Variants in TNFRSF13B observed in about 807,000 individuals in gnomAD.
The protein encoded by TNFRSF13B is tumor necrosis factor receptor superfamily member 13B.
Under a neutral mutation model 24.0 loss-of-function variants are expected in TNFRSF13B, and 34 were observed. That is an observed-to-expected ratio of 1.41 (90% CI 1.08 to 1.88). TNFRSF13B has a LOEUF of 1.88. TNFRSF13B is among the 40% of genes most tolerant of loss of function. The pLI is 0.00. For missense variants in TNFRSF13B, 415 were observed against 380.8 expected (o/e 1.09, Z -0.75); for synonymous variants, 173 against 150.3 (o/e 1.15, Z -1.10).
At chr17:16,964,053 A>T (rs1234075558) in intron 1 of TNFRSF13B, among the ~76,000 whole-genome samples, 2 of 152,022 alleles carry the variant, frequency 1.3e-5, no homozygotes, top group Non-Finnish European at 2.9e-5. Flanking sequence ...CTAACTGGGA[A>T]GGAGAAGGAG....
intron 1 of TNFRSF13B, 114 bp downstream of exon 1, chr17:16,971,901 T>C: frequency 1.9e-6 from 2 of 1,040,008 alleles, no homozygotes; most frequent in Non-Finnish European, 3.0e-6. Context: ...TGCCCCAGTG[T>C]GTGGATCTGC....
At chr17:16,940,028 C>T (rs571285474) in intron 4 of TNFRSF13B, 15 of 962,930 alleles carry the variant, frequency 1.6e-5, no homozygotes, top group Middle Eastern at 3.3e-4. Context: ...GAGCCTGCCA[C>T]GCCCCCCAAG....
rs780316609 is a variant in TNFRSF13B at position 16,948,687 on chromosome 17, A to G, written c.445+51T>C. ...TTCTAGGCCTGGCATCAGGCCTCCC[A>G]CGCTTTCTCACCCTGCGTGACACCA... On this transcript the variant is annotated intron_variant, in intron 3 of 4. Transcript: ENST00000261652. 16 of 1,612,026 alleles carry G rather than the reference A, an allele frequency of 9.9e-6. No individual in the cohort carries two copies. In the South Asian group the frequency reaches 1.7e-4, roughly 17 times the overall value.
intron 2 of TNFRSF13B, among the ~76,000 whole-genome samples, chr17:16,951,624 C>A (rs950812229): frequency 6.6e-6 from 1 of 152,200 alleles, no homozygotes; most frequent in Non-Finnish European, 1.5e-5. Context: ...TGCAGTGGCT[C>A]ACGCCTGTAA....
chr17:16,939,522 C>G lies in TNFRSF13B; in HGVS notation c.*25G>C, dbSNP rs761359165. 1 of 1,609,468 alleles carries G rather than the reference C, an allele frequency of 6.2e-7. No homozygotes were observed. Among genetic ancestry groups the G allele is most frequent in the Non-Finnish European group, 8.5e-7 (1 of 1,177,538 alleles). ...TCCCCTCCTCTCCATCTCTCTCCCT[C>G]CTCCTTTCCCTCCCTGACCCCCATT... On this transcript the variant is annotated 3_prime_UTR_variant, in exon 5 of 5. Transcript: ENST00000261652.
intron 2 of TNFRSF13B, among the ~76,000 whole-genome samples, chr17:16,950,574 GC>G (rs946854756): frequency 3.9e-5 from 6 of 152,142 alleles, no homozygotes; most frequent in African/African-American, 1.4e-4. Flanking sequence ...TCCCCAGGGC[GC>G]CCCTGAACCG....
chr17:16,972,042 G>C lies in TNFRSF13B; in HGVS notation c.34C>G (p.Arg12Gly). 1 of 1,614,026 alleles carries C rather than the reference G, an allele frequency of 6.2e-7. No individual in the cohort carries two copies. The highest frequency in any genetic ancestry group is 1.7e-5 in the Admixed American group (1 of 60,026). ...SGLGRSRRGG[R>G]SRVDQEERFP... ...CGCTCCTCCTGGTCCACACGGCTCC[G>C]GCCACCTCGCCTGCTCCGGCCCAGG... The change falls in exon 1 of 5, where the codon CGG (arginine) becomes GGG (glycine). Residue 12 changes from arginine (R) to glycine (G), a missense_variant. Coordinates refer to ENST00000261652, the MANE Select transcript of TNFRSF13B (RefSeq NM_012452.3).
chr17:16,959,871 G>A (rs1320173813), intron 1 of TNFRSF13B, among the ~76,000 whole-genome samples: 1 of 152,020 alleles, frequency 6.6e-6, no homozygotes, highest in Non-Finnish European at 1.5e-5. Context: ...CTTTACTAGT[G>A]AATTCTACCA....
intron 1 of TNFRSF13B, among the ~76,000 whole-genome samples, chr17:16,955,160 C>T (rs1020580655): frequency 2.0e-5 from 3 of 152,246 alleles, no homozygotes; most frequent in Non-Finnish European, 2.9e-5. Context: ...TTACCCAGAA[C>T]TTCCAGGCAG....
chr17:16,958,682 A>G (rs1436928302), intron 1 of TNFRSF13B, among the ~76,000 whole-genome samples: 1 of 152,096 alleles, frequency 6.6e-6, no homozygotes, highest in African/African-American at 2.4e-5. Flanking sequence ...TTGTCAGACA[A>G]AGCAGACTTT....
At chr17:16,944,738 GTC>G (rs2143649336) in intron 3 of TNFRSF13B, among the ~76,000 whole-genome samples, 1 of 152,258 alleles carries the variant, frequency 6.6e-6, no homozygotes, top group Non-Finnish European at 1.5e-5. Context: ...ACAGTTCCAG[GTC>G]CCACTAAGGA....
chr17:16,943,158 G>T (rs751116103), intron 3 of TNFRSF13B, among the ~76,000 whole-genome samples: 13 of 152,190 alleles, frequency 8.5e-5, no homozygotes, highest in Non-Finnish European at 1.6e-4. Flanking sequence ...GACCCGCCTA[G>T]CTGAACCCTG....
At chr17:16,971,830 A>G (rs2087747027) in intron 1 of TNFRSF13B, among the ~76,000 whole-genome samples, 185 bp downstream of exon 1, 1 of 152,186 alleles carries the variant, frequency 6.6e-6, no homozygotes, top group African/African-American at 2.4e-5. Context: ...GGCAAGCCCC[A>G]CATCCCAGAG....
intron 3 of TNFRSF13B, among the ~76,000 whole-genome samples, chr17:16,947,917 A>G (rs866754383): frequency 1.3e-5 from 2 of 152,258 alleles, no homozygotes; most frequent in South Asian, 4.1e-4. Context: ...TCACAGCACA[A>G]TTCACAATAG....
At chr17:16,962,511 C>A (rs899876894) in intron 1 of TNFRSF13B, among the ~76,000 whole-genome samples, 13 of 150,864 alleles carry the variant, frequency 8.6e-5, no homozygotes, top group Non-Finnish European at 1.9e-4. Flanking sequence ...GGTCTCCCCC[C>A]CCAAAAAAAA....
chr17:16,962,790 G>A (rs562724269), intron 1 of TNFRSF13B, among the ~76,000 whole-genome samples: 2 of 152,238 alleles, frequency 1.3e-5, no homozygotes, highest in African/African-American at 2.4e-5. Context: ...ACATTCTGGA[G>A]CAGAGCCGGC....
At chr17:16,955,674 CA>C (rs1175659034) in intron 1 of TNFRSF13B, among the ~76,000 whole-genome samples, 1 of 152,198 alleles carries the variant, frequency 6.6e-6, no homozygotes, top group Admixed American at 6.5e-5. Flanking sequence ...CAAGACATCT[CA>C]AAAGCAATCC....
chr17:16,956,094 G>A (rs993952308), intron 1 of TNFRSF13B, among the ~76,000 whole-genome samples: 2 of 152,186 alleles, frequency 1.3e-5, no homozygotes, highest in South Asian at 2.1e-4. Context: ...AGCACTTAAG[G>A]AAATCTTTGT....
intron 1 of TNFRSF13B, among the ~76,000 whole-genome samples, chr17:16,968,064 C>T (rs1424535854): frequency 2.0e-5 from 3 of 148,864 alleles, no homozygotes; most frequent in African/African-American, 7.4e-5. Flanking sequence ...TGGCATGAAC[C>T]CGGGAGGCGG....
Sources: allele counts gnomAD v4.1 joint callset (sites outside exome capture counted in the v4.1 genomes callset), GRCh38; gene constraint gnomAD v4.1.1; transcripts MANE v1.5; gene names NCBI Gene and HGNC (gene_info 2026-07-23, HGNC 2026-07-21).